Variants in SCAF11 observed in about 807,000 individuals in gnomAD.
SCAF11 encodes protein SCAF11.
In SCAF11, 47 loss-of-function variants were observed where a neutral mutation model predicts 140.5. The ratio of observed to expected loss-of-function variants is 0.33; its 90% CI spans 0.26 to 0.43. The LOEUF is 0.43. Ranked by LOEUF, SCAF11 falls within the 20% of genes least tolerant of loss-of-function variation. The probability of loss-of-function intolerance (pLI) is 1.00; values close to 1 mark genes in which losing one functional copy is unlikely to be tolerated. For missense variants in SCAF11, 1,645 were observed against 1,705.1 expected, an observed-to-expected ratio of 0.96 and a Z score of 0.62; for synonymous variants, 557 against 579.4, an observed-to-expected ratio of 0.96 and a Z score of 0.55.
Position 45,925,091 on chromosome 12 carries a change from A to G in SCAF11, c.3560-17T>C, listed in dbSNP as rs748598691. 1.3e-6 allele frequency: 2 copies of G among 1,574,092 alleles called. No homozygotes were observed. Among genetic ancestry groups the G allele is most frequent in the Non-Finnish European group, 1.7e-6 (2 of 1,157,886 alleles). On this transcript the variant is annotated splice_polypyrimidine_tract_variant and intron_variant, in intron 11 of 14. Transcript: ENST00000369367. ...GGCTAGAATCTATCAAAAGAAAAAA[A>G]GCTTGTGAAAAAAATCATGTTATAA...
rs755830348 is a variant in SCAF11, at chr12:45,928,802, T to C, written c.899A>G (p.Gln300Arg). Reference sequence around the variant, plus strand: ...TCTGGTATTTGATGTACCAGAAGTTTGCTTCTTTTCTTCCCCTTCTTGAGT... The same window carrying C: ...TCTGGTATTTGATGTACCAGAAGTTCGCTTCTTTTCTTCCCCTTCTTGAGT... The part of the protein sequence containing the change: ...AHTQEGEEKK[Q>R]TSGTSNTRGS... The change falls in exon 11 of 15, where the codon CAA (glutamine) becomes CGA (arginine). Residue 300 changes from glutamine to arginine, a missense_variant. Physicochemically the swap from Gln to Arg is conservative, Grantham distance 43. This residue lies in a region of SCAF11 where 1,582 missense variants were observed against 1,609.2 expected (regional missense o/e 0.98). Coordinates refer to ENST00000369367, the MANE Select transcript of SCAF11 (RefSeq NM_004719.3). 1.9e-6 allele frequency: 3 copies of C among 1,613,386 alleles called. No individual in the cohort carries two copies. The highest frequency in any genetic ancestry group is 2.5e-6 in the Non-Finnish European group (3 of 1,180,006).
At chr12:45,931,428 C>T in intron 10 of SCAF11, 78 bp downstream of exon 10, 1 of 714,750 alleles carries the variant, frequency 1.4e-6, no homozygotes, top group East Asian at 3.4e-5. Context: ...TCTAAGTCAT[C>T]AAACACACAT....
In SCAF11 at chr12:45,930,065, C is replaced by T. The variant is rs147937340; in HGVS notation, c.842-1206G>A. Reference sequence around the variant, plus strand: ...AAAGAAGCTAAAGAAAAGGTTATTACAAAAATCATAAGAGAAAATACATTA... The same window carrying T: ...AAAGAAGCTAAAGAAAAGGTTATTATAAAAATCATAAGAGAAAATACATTA... On this transcript the variant is annotated intron_variant, in intron 10 of 14. Transcript: ENST00000369367. The T allele has an allele frequency of 2.6e-5, 4 of 152,212 alleles. No individual in the cohort carries two copies. The East Asian group carries it at 5.8e-4, about 22-fold the overall frequency. 9.4% of individuals were successfully genotyped at this position (152,212 alleles called of 1,614,324 possible). A position where few individuals can be genotyped will look rare whatever the true frequency, so the allele number is the denominator to read the frequency against.
intron 1 of SCAF11, chr12:45,974,421 A>G: frequency 3.0e-6 from 1 of 329,046 alleles, no homozygotes; most frequent in Non-Finnish European, 6.1e-6. Flanking sequence ...GCTATTTGAC[A>G]GCATTTTATC....
intron 2 of SCAF11, 27 bp from the exon 3 acceptor site, chr12:45,961,884 C>A: frequency 1.9e-6 from 3 of 1,560,390 alleles, no homozygotes; most frequent in South Asian, 1.2e-5. Flanking sequence ...GCCATATGTG[C>A]TTTCAAGTTC....
intron 1 of SCAF11, among the ~76,000 whole-genome samples, chr12:45,967,166 T>C (rs982726910): frequency 6.6e-6 from 1 of 151,994 alleles, no homozygotes; most frequent in Non-Finnish European, 1.5e-5. Context: ...GGTGGGAGGA[T>C]CGCTTGAGCC....
intron 1 of SCAF11, among the ~76,000 whole-genome samples, chr12:45,987,488 TCA>T (rs936157909): frequency 6.6e-6 from 1 of 152,082 alleles, no homozygotes; most frequent in African/African-American, 2.4e-5. Flanking sequence ...AGAAGATAAA[TCA>T]CAGTGAAGAA....
intron 3 of SCAF11, among the ~76,000 whole-genome samples, chr12:45,952,236 T>C (rs1945567102): frequency 6.6e-6 from 1 of 152,178 alleles, no homozygotes; most frequent in Admixed American, 6.5e-5. Context: ...AGATGGCCAC[T>C]CCAGAGGCAG....
Position 45,928,349 on chromosome 12 carries a change from T to C in SCAF11, c.1352A>G (p.Asn451Ser), listed in dbSNP as rs372113921. ...NQSANCLKSCNEQIEESEKHT... is the reference protein window; with the variant it reads ...NQSANCLKSCSEQIEESEKHT... ...CTTCTCACTTTCTTCTATTTGCTCATTGCAACTTTTCAAGCAATTAGCAGA... is the reference window on the plus strand; with the variant it reads ...CTTCTCACTTTCTTCTATTTGCTCACTGCAACTTTTCAAGCAATTAGCAGA... Residue 451 changes from asparagine to serine, a missense_variant, in exon 11 of 15, where the codon AAT becomes AGT. By Grantham distance (46) the Asn-to-Ser change is conservative. Around this residue, in one of 2 missense-constraint regions of SCAF11, gnomAD observed 1,582 missense variants for 1,609.2 expected, o/e 0.98. Coordinates refer to ENST00000369367, the MANE Select transcript of SCAF11 (RefSeq NM_004719.3). The C allele has an allele frequency of 2.9e-5, 47 of 1,614,028 alleles. No individual in the cohort carries two copies. The highest frequency in any genetic ancestry group is 8.0e-5 in the African/African-American group (6 of 74,944).
At chr12:45,951,146 T>C (rs114476976) in intron 4 of SCAF11, among the ~76,000 whole-genome samples, 281 of 152,280 alleles carry the variant, frequency 1.8e-3, no homozygotes, top group African/African-American at 6.4e-3. Context: ...TTTAATTTTA[T>C]TGGCTAATTT....
At position 45,957,460 on chromosome 12, in the gene SCAF11, T is replaced by A. The variant is rs1444109339; in HGVS notation, c.219+4240A>T. Among the ~76,000 whole-genome samples, 12 of 152,306 alleles carry A rather than the reference T, an allele frequency of 7.9e-5. No homozygotes were observed. In the East Asian group the frequency reaches 2.1e-3, roughly 27 times the overall value. ...AACCTTCACCTATGTTGAACACTAT[T>A]GTTTGACTTCTTCAAGAACTGCATG... On this transcript the variant is annotated intron_variant, in intron 3 of 14. Coordinates refer to ENST00000369367, the MANE Select transcript of SCAF11 (RefSeq NM_004719.3).
At chr12:45,925,149 G>A in intron 11 of SCAF11, 75 bp from the exon 12 acceptor site, 1 of 1,174,886 alleles carries the variant, frequency 8.5e-7, no homozygotes, top group Non-Finnish European at 1.2e-6. Context: ...AGAACCACTG[G>A]TTACAGTAAA....
At chr12:45,961,584 T>C in intron 3 of SCAF11, 116 bp downstream of exon 3, 1 of 882,908 alleles carries the variant, frequency 1.1e-6, no homozygotes, top group Non-Finnish European at 1.7e-6. Flanking sequence ...AGGAAATTTG[T>C]CCAAAGTAGG....
At chr12:45,991,908 G>T (rs1461472261), upstream of SCAF11, 1 of 1,286,898 alleles carries the variant, frequency 7.8e-7, no homozygotes, top group Non-Finnish European at 1.0e-6. Flanking sequence ...GCTTTCAGCC[G>T]CGCGCTCACA....
At chr12:45,940,836 T>A (rs1252600318) in intron 6 of SCAF11, among the ~76,000 whole-genome samples, 5 of 152,210 alleles carry the variant, frequency 3.3e-5, no homozygotes, top group African/African-American at 9.6e-5. Context: ...AGGGTCTTAC[T>A]CTGGCGCCCA....
upstream of SCAF11, chr12:45,990,732 T>A: frequency 9.5e-6 from 5 of 523,932 alleles, no homozygotes; most frequent in Non-Finnish European, 1.4e-5. Context: ...TGAGTGCATG[T>A]TCGTAGTACC....
upstream of SCAF11, among the ~76,000 whole-genome samples, chr12:45,991,553 C>T (rs1359258843): frequency 6.6e-6 from 1 of 152,134 alleles, no homozygotes; most frequent in African/African-American, 2.4e-5. Flanking sequence ...CAGAGCGAGA[C>T]CCTGTCTCAA....
chr12:45,956,225 T>A, intron 3 of SCAF11: 2 of 710,966 alleles, frequency 2.8e-6, no homozygotes, highest in Non-Finnish European at 5.2e-6. Context: ...TTAAGACAAG[T>A]GCTTAAAGAC....
At chr12:45,950,223 T>C (rs1161318366) in intron 4 of SCAF11, among the ~76,000 whole-genome samples, 1 of 152,170 alleles carries the variant, frequency 6.6e-6, no homozygotes, top group African/African-American at 2.4e-5. Context: ...CTATGGGAAC[T>C]GAAAAGTGAG....
Sources: allele counts gnomAD v4.1 joint callset (sites outside exome capture counted in the v4.1 genomes callset), GRCh38; gene constraint gnomAD v4.1.1; regional missense constraint gnomAD v4.1.1; transcripts MANE v1.5; gene names NCBI Gene and HGNC (gene_info 2026-07-23, HGNC 2026-07-21).